Variants in MCC observed in about 807,000 individuals in gnomAD.
MCC encodes colorectal mutant cancer protein.
MCC carries 90 observed loss-of-function variants against 116.2 expected under a neutral mutation model. That is an observed-to-expected ratio of 0.77 (90% CI 0.65 to 0.92). The LOEUF is 0.92. Among genes scored for constraint, MCC ranks in the 40% least tolerant of loss-of-function variants. The probability of loss-of-function intolerance (pLI) is 0.00; values close to 1 mark genes in which losing one functional copy is unlikely to be tolerated. For synonymous variants in MCC, 578 were observed against 510.5 expected (o/e 1.13, Z -1.78); for missense variants, 1,516 against 1,312.2 (o/e 1.16, Z -2.40).
chr5:113,066,684 CCAGA>C (rs1753626549), intron 13 of MCC, among the ~76,000 whole-genome samples: 1 of 152,184 alleles, frequency 6.6e-6, no homozygotes, highest in African/African-American at 2.4e-5. Flanking sequence ...AAGTGAGCCC[CCAGA>C]CAAAGGGGGA....
At chr5:113,433,636 T>C in intron 1 of MCC, 1 of 1,371,672 alleles carries the variant, frequency 7.3e-7, no homozygotes. Context: ...AAATAGAGGC[T>C]CATCTGGGAC....
intron 3 of MCC, chr5:113,269,313 C>A: frequency 2.2e-6 from 1 of 451,004 alleles, no homozygotes; most frequent in Non-Finnish European, 2.7e-6. Flanking sequence ...TCAATGATAC[C>A]TTTTTCAATG....
chr5:113,064,130 G>A lies in MCC; in HGVS notation c.2067C>T (p.Leu689=), dbSNP rs757412300. ...TCTTCCGGCAGTCATGAGCTCGCTTGAGCATCTGAGTGATGTTTTCATCCC... is the reference window on the plus strand; with the variant it reads ...TCTTCCGGCAGTCATGAGCTCGCTTAAGCATCTGAGTGATGTTTTCATCCC... ...QSGDENITQM[L]KRAHDCRKTA... The change falls in exon 14 of 19, where the codon CTC becomes CTT. Residue 689 remains leucine, a synonymous_variant. Coordinates refer to ENST00000408903, the MANE Select transcript of MCC (RefSeq NM_001085377.2). The A allele has an allele frequency of 1.9e-6, 3 of 1,613,652 alleles. No individual in the cohort carries two copies. Among genetic ancestry groups the A allele is most frequent in the Non-Finnish European group, 8.5e-7 (1 of 1,179,740 alleles).
chr5:113,369,594 TA>T (rs368235126), intron 2 of MCC, among the ~76,000 whole-genome samples: 13 of 152,312 alleles, frequency 8.5e-5, no homozygotes, highest in African/African-American at 3.1e-4. Context: ...CTCTATCTTT[TA>T]TTTTAGAGGA....
intron 3 of MCC, among the ~76,000 whole-genome samples, chr5:113,211,438 A>G (rs1763132361): frequency 1.3e-5 from 2 of 152,232 alleles, no homozygotes; most frequent in African/African-American, 4.8e-5. Flanking sequence ...GATGACAGAG[A>G]TATGAAAGAA....
intron 2 of MCC, among the ~76,000 whole-genome samples, chr5:113,349,844 T>C (rs28884563): frequency 0.029 from 4,374 of 152,154 alleles, 224 homozygotes; most frequent in African/African-American, 0.099. Flanking sequence ...TTCAGTAAAG[T>C]TGCAGGATAC....
chr5:113,333,820 C>CATATGTAT (rs1767769973), intron 3 of MCC, among the ~76,000 whole-genome samples: 1 of 85,584 alleles, frequency 1.2e-5, no homozygotes, highest in Non-Finnish European at 2.3e-5. Flanking sequence ...TATATATGTA[C>CATATGTAT]ATATATGTAT....
chr5:113,071,088 G>GCCTCGCTCTGTCTT lies in MCC; in HGVS notation c.1925+5_1925+6insAAGACAGAGCGAGG. On this transcript the variant is annotated splice_donor_region_variant and intron_variant, in intron 12 of 18. Transcript: ENST00000408903. ...AGTAGCTCCAAACATCCCAGTGTGT[G>GCCTCGCTCTGTCTT]CCTACCTGTACTGCAAGGCCAGCCT... The GCCTCGCTCTGTCTT allele has an allele frequency of 6.2e-7, 1 of 1,610,570 alleles. No individual in the cohort carries two copies. Among genetic ancestry groups the GCCTCGCTCTGTCTT allele is most frequent in the Non-Finnish European group, 8.5e-7 (1 of 1,178,316 alleles).
chr5:113,312,176 C>T (rs1466354286), intron 3 of MCC, among the ~76,000 whole-genome samples: 1 of 152,032 alleles, frequency 6.6e-6, no homozygotes, highest in East Asian at 1.9e-4. Context: ...ACTGGGGAGG[C>T]TGAGGCAGGA....
At chr5:113,293,033 C>G (rs1335210021) in intron 3 of MCC, among the ~76,000 whole-genome samples, 1 of 152,218 alleles carries the variant, frequency 6.6e-6, no homozygotes, top group African/African-American at 2.4e-5. Context: ...GGGGCAACAG[C>G]CGTTAAGGAT....
chr5:113,071,582 TG>T (rs1267410842), intron 11 of MCC, among the ~76,000 whole-genome samples: 3 of 152,156 alleles, frequency 2.0e-5, no homozygotes, highest in Admixed American at 6.5e-5. Flanking sequence ...GAACGTCTGG[TG>T]GGCTTAGATA....
rs1363015122 is a variant in MCC, at chr5:113,025,269, T to C, written c.*2033A>G. Reference sequence around the variant, plus strand: ...TTTTTTTTTTTTTGGGGCATATGTTTTTCAGCCAAAACATTTTCCTCATGA... The same window carrying C: ...TTTTTTTTTTTTTGGGGCATATGTTCTTCAGCCAAAACATTTTCCTCATGA... On this transcript the variant is annotated 3_prime_UTR_variant, in exon 19 of 19. Coordinates refer to ENST00000408903, the MANE Select transcript of MCC (RefSeq NM_001085377.2). The C allele has an allele frequency of 2.0e-5, 3 of 151,958 alleles. No individual in the cohort carries two copies. Among genetic ancestry groups the C allele is most frequent in the Non-Finnish European group, 4.4e-5 (3 of 67,994 alleles). 9.4% of individuals were successfully genotyped at this position (151,958 alleles called of 1,614,324 possible). A position where few individuals can be genotyped will look rare whatever the true frequency, so the allele number is the denominator to read the frequency against.
chr5:113,348,665 C>T (rs1225859992), intron 2 of MCC, among the ~76,000 whole-genome samples: 1 of 151,588 alleles, frequency 6.6e-6, no homozygotes, highest in African/African-American at 2.4e-5. Flanking sequence ...AAAGTAAGAG[C>T]AAATCAAACC....
chr5:113,173,043 C>T (rs1484973804), intron 3 of MCC, among the ~76,000 whole-genome samples: 2 of 152,140 alleles, frequency 1.3e-5, no homozygotes, highest in African/African-American at 4.8e-5. Context: ...ATGTATATAA[C>T]AGATATTAAC....
intron 1 of MCC, among the ~76,000 whole-genome samples, chr5:113,413,826 T>C (rs1770063426): frequency 6.6e-6 from 1 of 152,190 alleles, no homozygotes; most frequent in Non-Finnish European, 1.5e-5. Flanking sequence ...TTTGAATTTG[T>C]TTGTTCTTAC....
At chr5:113,352,769 T>C (rs890498720) in intron 2 of MCC, among the ~76,000 whole-genome samples, 1 of 152,134 alleles carries the variant, frequency 6.6e-6, no homozygotes, top group African/African-American at 2.4e-5. Flanking sequence ...TCTCAACATT[T>C]GAATCGGTAT....
intron 3 of MCC, among the ~76,000 whole-genome samples, chr5:113,160,313 C>A (rs186995664): frequency 6.6e-6 from 1 of 152,328 alleles, no homozygotes; most frequent in East Asian, 1.9e-4. Context: ...GACCCACAAT[C>A]CCATCCCATC....
chr5:113,450,759 T>A (rs1771369246), intron 1 of MCC, among the ~76,000 whole-genome samples: 1 of 152,198 alleles, frequency 6.6e-6, no homozygotes, highest in Admixed American at 6.5e-5. Flanking sequence ...AGTGTCACTC[T>A]CCAGAGGGAA....
intron 8 of MCC, among the ~76,000 whole-genome samples, chr5:113,100,002 T>C (rs1040405403): frequency 6.6e-6 from 1 of 152,186 alleles, no homozygotes; most frequent in African/African-American, 2.4e-5. Context: ...GCTTTAGTGC[T>C]AAGCAAATTT....
Sources: allele counts gnomAD v4.1 joint callset (sites outside exome capture counted in the v4.1 genomes callset), GRCh38; gene constraint gnomAD v4.1.1; transcripts MANE v1.5; gene names NCBI Gene and HGNC (gene_info 2026-07-23, HGNC 2026-07-21).